MFSD6: variants seen among roughly 807,000 people sequenced by gnomAD.
MFSD6 encodes major facilitator superfamily domain containing 6.
MFSD6 carries 26 observed loss-of-function variants against 56.3 expected under a neutral mutation model. The observed-to-expected ratio is 0.46, with a 90% confidence interval of 0.34 to 0.64. The LOEUF is 0.64. Among genes scored for constraint, MFSD6 ranks in the 30% least tolerant of loss-of-function variants. MFSD6 has a pLI of 0.01. For missense variants in MFSD6, 750 were observed against 986.2 expected (o/e 0.76, Z 3.21); for synonymous variants, 331 against 366.9 (o/e 0.90, Z 1.12).
At chr2:190,473,612 C>G (rs967613388) in intron 4 of MFSD6, among the ~76,000 whole-genome samples, 27 of 152,144 alleles carry the variant, frequency 1.8e-4, no homozygotes, top group African/African-American at 6.0e-4. Flanking sequence ...GACTCCCACA[C>G]AATAATAATT....
chr2:190,470,943 A>T (rs1687886178), intron 4 of MFSD6, among the ~76,000 whole-genome samples: 1 of 152,124 alleles, frequency 6.6e-6, no homozygotes, highest in African/African-American at 2.4e-5. Flanking sequence ...CTCAGATTTG[A>T]TGCAATGGTG....
rs541219612 is a variant in MFSD6 at position 190,489,675 on chromosome 2, CCTTTG to C, written c.1793-87_1793-83del. ...CTCTGGTTTGTCTCAAGCTGTGCTT[CCTTTG>C]CTTTGATCTTTAGAAAACTGATGGT... On this transcript the variant is annotated intron_variant, in intron 5 of 7. Transcript: ENST00000392328. The surrounding 1 kb of genome is among the most constrained non-coding windows in gnomAD (Gnocchi z 6.6). The C allele has an allele frequency of 4.5e-4, 535 of 1,191,218 alleles. No individual in the cohort carries two copies. The highest frequency in any genetic ancestry group is 5.9e-4 in the Non-Finnish European group (496 of 844,330). 73.8% of individuals were successfully genotyped at this position (1,191,218 alleles called of 1,614,324 possible).
chr2:190,466,270 G>C (rs1402155009), intron 3 of MFSD6, among the ~76,000 whole-genome samples: 1 of 152,188 alleles, frequency 6.6e-6, no homozygotes, highest in Non-Finnish European at 1.5e-5. Flanking sequence ...CACATGAACT[G>C]GGGGAACACA....
rs1395070776 is a variant in MFSD6 at position 190,431,047 on chromosome 2, C to CTGCAATCTCG, written c.-53-4930_-53-4929insTGCAATCTCG. 6.9e-6 allele frequency among the ~76,000 whole-genome samples: 1 copy of CTGCAATCTCG among 144,008 alleles called. No individual in the cohort carries two copies. 94.5% of individuals were successfully genotyped at this position (144,008 alleles called of 152,430 possible). A position where few individuals can be genotyped will look rare whatever the true frequency, so the allele number is the denominator to read the frequency against. On this transcript the variant is annotated intron_variant, in intron 2 of 7. Coordinates refer to ENST00000392328, the MANE Select transcript of MFSD6 (RefSeq NM_017694.4). This position sits in a 1 kb window ranked among gnomAD's most constrained non-coding sequence, Gnocchi z 4.4. Reference sequence around the variant, plus strand: ...AGACGGGGTCGCGGCCGGGCAGAGGCGCTCCTCACCTCCCAGACGGGGTCG... The same window carrying CTGCAATCTCG: ...AGACGGGGTCGCGGCCGGGCAGAGGCTGCAATCTCGGCTCCTCACCTCCCAGACGGGGTCG...
intron 4 of MFSD6, among the ~76,000 whole-genome samples, chr2:190,476,156 G>T (rs1435161944): frequency 6.6e-6 from 1 of 151,246 alleles, no homozygotes; most frequent in Non-Finnish European, 1.5e-5. Context: ...GCATGGGCAA[G>T]GACTTCATGT....
Position 190,453,793 on chromosome 2 carries a change from A to G in MFSD6, c.1533-15965A>G, listed in dbSNP as rs576894010. ...GAGAATATGTTGCCCCAAATAGCCT[A>G]ATGACTTAGGTGTCACTGTCTGTGC... On this transcript the variant is annotated intron_variant, in intron 3 of 7. Transcript: ENST00000392328. 1.8e-4 allele frequency among the ~76,000 whole-genome samples: 27 copies of G among 152,330 alleles called. No homozygotes were observed. The South Asian group carries it at 5.4e-3, about 30-fold the overall frequency.
Position 190,459,425 on chromosome 2 carries a change from A to T in MFSD6, c.1533-10333A>T, listed in dbSNP as rs1182705760. Among the ~76,000 whole-genome samples, 1 of 152,228 alleles carries T rather than the reference A, an allele frequency of 6.6e-6. No homozygotes were observed. The highest frequency in any genetic ancestry group is 2.4e-5 in the African/African-American group (1 of 41,470). The stretch of plus-strand genomic sequence containing the variant: ...CTCAGGAAATTATAGTGTTTGTGTC[A>T]TATGTATACCTTAAGCCATATCCTA... On this transcript the variant is annotated intron_variant, in intron 3 of 7. Coordinates refer to ENST00000392328, the MANE Select transcript of MFSD6 (RefSeq NM_017694.4). The surrounding 1 kb of genome is among the most constrained non-coding windows in gnomAD (Gnocchi z 5.3).
intron 2 of MFSD6, among the ~76,000 whole-genome samples, chr2:190,428,730 G>A (rs1685863407): frequency 6.6e-6 from 1 of 152,122 alleles, no homozygotes; most frequent in Non-Finnish European, 1.5e-5. Context: ...CTGGAGGGCA[G>A]TGGTGCTATC....
chr2:190,415,190 T>G lies in MFSD6; in HGVS notation c.-175-102T>G, dbSNP rs1690725928. 1.3e-5 allele frequency: 2 copies of G among 152,244 alleles called. No homozygotes were observed. The highest frequency in any genetic ancestry group is 1.3e-4 in the Admixed American group (2 of 15,286). The allele number at this position is 152,244 out of a possible 1,614,324, so 9.4% of individuals were successfully genotyped here. On this transcript the variant is annotated intron_variant, in intron 1 of 7. Coordinates refer to ENST00000392328, the MANE Select transcript of MFSD6 (RefSeq NM_017694.4). The surrounding 1 kb of genome is among the most constrained non-coding windows in gnomAD (Gnocchi z 4.5). The stretch of plus-strand genomic sequence containing the variant: ...TACTCTCAGTGAATGACAATGCCTG[T>G]CAATTCTCATACTCACCAGCATTGA...
intron 4 of MFSD6, among the ~76,000 whole-genome samples, chr2:190,475,657 A>G (rs944148832): frequency 8.5e-4 from 129 of 152,206 alleles, no homozygotes; most frequent in Non-Finnish European, 1.6e-3. Flanking sequence ...TATAGATTCA[A>G]TGCCATCCCC....
chr2:190,411,191 C>T (rs1319500067), intron 1 of MFSD6: 110 of 916,340 alleles, frequency 1.2e-4, no homozygotes, highest in Non-Finnish European at 1.3e-4. Flanking sequence ...GACAGAGTCT[C>T]GCTCTGTCAC....
chr2:190,432,865 CACTT>C lies in MFSD6; in HGVS notation c.-53-3108_-53-3105del, dbSNP rs1686055371. Reference sequence around the variant, plus strand: ...ACTCTCTCTCTCTCTCTCTTTCACTCACTTACTCACACATACACTCTTTCTCTTA... The same window carrying C: ...ACTCTCTCTCTCTCTCTCTTTCACTCACTCACACATACACTCTTTCTCTTA... On this transcript the variant is annotated intron_variant, in intron 2 of 7. Transcript: ENST00000392328. Among the ~76,000 whole-genome samples, 3 of 148,038 alleles carry C rather than the reference CACTT, an allele frequency of 2.0e-5. No individual in the cohort carries two copies. In the South Asian group the frequency reaches 6.7e-4, roughly 33 times the overall value.
In MFSD6 at chr2:190,461,147, T is replaced by C. The variant is rs1302856528; in HGVS notation, c.1533-8611T>C. On this transcript the variant is annotated intron_variant, in intron 3 of 7. Coordinates refer to ENST00000392328, the MANE Select transcript of MFSD6 (RefSeq NM_017694.4). The surrounding 1 kb of genome is among the most constrained non-coding windows in gnomAD (Gnocchi z 5.5). ...ATATGAACTTAGCTAGAATGTTGTA[T>C]GGTTTTGAAGCCAAAATAGAAACCC... Among the ~76,000 whole-genome samples, 3 of 152,240 alleles carry C rather than the reference T, an allele frequency of 2.0e-5. No individual in the cohort carries two copies. The highest frequency in any genetic ancestry group is 4.4e-5 in the Non-Finnish European group (3 of 68,050).
In MFSD6 at chr2:190,492,599, A is replaced by G. The variant is rs1325283872; in HGVS notation, c.1891+2733A>G. ...TGGAAATTTAAAATTGAACTGAACA[A>G]TAATAGTGACACAACCTATCAAAAC... On this transcript the variant is annotated intron_variant, in intron 6 of 7. Coordinates refer to ENST00000392328, the MANE Select transcript of MFSD6 (RefSeq NM_017694.4). This position sits in a 1 kb window ranked among gnomAD's most constrained non-coding sequence, Gnocchi z 5.2. Among the ~76,000 whole-genome samples the G allele has an allele frequency of 2.6e-5, 4 of 152,250 alleles. No homozygotes were observed. The highest frequency in any genetic ancestry group is 5.9e-5 in the Non-Finnish European group (4 of 68,036).
At chr2:190,455,678 A>G (rs1408728775) in intron 3 of MFSD6, among the ~76,000 whole-genome samples, 1 of 152,096 alleles carries the variant, frequency 6.6e-6, no homozygotes, top group Non-Finnish European at 1.5e-5. Context: ...ATTGGAGAAC[A>G]TTATAGAATT....
At chr2:190,429,390 A>G (rs543524428) in intron 2 of MFSD6, among the ~76,000 whole-genome samples, 1 of 151,476 alleles carries the variant, frequency 6.6e-6, no homozygotes, top group Non-Finnish European at 1.5e-5. Context: ...CAGTGGTGCA[A>G]TCTCGGCTCA....
chr2:190,497,466 C>T lies in MFSD6; in HGVS notation c.1919C>T (p.Pro640Leu). 3.7e-6 allele frequency: 6 copies of T among 1,614,090 alleles called. No individual in the cohort carries two copies. Among genetic ancestry groups the T allele is most frequent in the Non-Finnish European group, 5.1e-6 (6 of 1,179,982 alleles). Residue 640 changes from proline (P) to leucine (L), a missense_variant, in exon 7 of 8, where the codon CCT (proline) becomes CTT (leucine). By Grantham distance (98) the Pro-to-Leu change is moderately conservative. Around this residue, in one of 5 missense-constraint regions of MFSD6, gnomAD observed 172 missense variants for 203.9 expected, o/e 0.84. Coordinates refer to ENST00000392328, the MANE Select transcript of MFSD6 (RefSeq NM_017694.4). The surrounding 1 kb of genome is among the most constrained non-coding windows in gnomAD (Gnocchi z 5.2). ...EDKTMLAERI[P>L]VPSSPVPIAT... ...AAGACAATGTTGGCAGAAAGAATTC[C>T]TGTTCCCTCCAGTCCCGTTCCTATA...
intron 4 of MFSD6, chr2:190,477,432 CT>C: frequency 1.1e-6 from 1 of 882,240 alleles, no homozygotes; most frequent in African/African-American, 1.8e-5. Flanking sequence ...ATGCATATAA[CT>C]TTTTTATCCT....
At chr2:190,427,820 C>G (rs556498052) in intron 2 of MFSD6, among the ~76,000 whole-genome samples, 3 of 152,226 alleles carry the variant, frequency 2.0e-5, no homozygotes, top group Non-Finnish European at 4.4e-5. Flanking sequence ...CAATCCCCAC[C>G]TCCTGGGTTC....
Sources: allele counts gnomAD v4.1 joint callset (sites outside exome capture counted in the v4.1 genomes callset), GRCh38; gene constraint gnomAD v4.1.1; regional missense constraint gnomAD v4.1.1; non-coding constraint Gnocchi (gnomAD v3.1); transcripts MANE v1.5; gene names NCBI Gene and HGNC (gene_info 2026-07-23, HGNC 2026-07-21).